Variants in MED13 observed in about 807,000 individuals in gnomAD.
The protein encoded by MED13 is mediator complex subunit 13, also known as mediator of RNA polymerase II transcription subunit 13.
Under a neutral mutation model 225.2 loss-of-function variants are expected in MED13, and 23 were observed. The ratio of observed to expected loss-of-function variants is 0.10; its 90% CI spans 0.07 to 0.14. The LOEUF (loss-of-function observed/expected upper bound fraction) is 0.14. Among genes scored for constraint, MED13 ranks in the 10% least tolerant of loss-of-function variants. The pLI is 1.00. For synonymous variants in MED13, 942 were observed against 889.2 expected (o/e 1.06, Z -1.06); for missense variants, 2,197 against 2,594.5 (o/e 0.85, Z 3.33).
intron 3 of MED13, among the ~76,000 whole-genome samples, chr17:62,046,480 T>C (rs2143734154): frequency 6.6e-6 from 1 of 152,332 alleles, no homozygotes; most frequent in East Asian, 1.9e-4. Context: ...GGAAAAACAC[T>C]AGTGCTCAAT....
chr17:61,987,232 C>T, intron 11 of MED13, 104 bp from the exon 12 acceptor site: 2 of 583,626 alleles, frequency 3.4e-6, no homozygotes, highest in South Asian at 2.9e-5. Flanking sequence ...GTCAGGAGTT[C>T]AGGACCAGCC....
chr17:61,994,347 T>C (rs2080329471), intron 10 of MED13, among the ~76,000 whole-genome samples: 1 of 152,192 alleles, frequency 6.6e-6, no homozygotes, highest in Non-Finnish European at 1.5e-5. Flanking sequence ...CAAAGTTATC[T>C]TAATCTTAAC....
chr17:61,999,141 T>G (rs896016148), intron 9 of MED13, among the ~76,000 whole-genome samples: 41 of 152,244 alleles, frequency 2.7e-4, no homozygotes, highest in African/African-American at 9.9e-4. Context: ...GAACTATGTT[T>G]TAGAGATCAA....
intron 3 of MED13, among the ~76,000 whole-genome samples, chr17:62,044,208 A>C (rs1047470367): frequency 1.2e-4 from 18 of 152,128 alleles, no homozygotes; most frequent in African/African-American, 4.1e-4. Context: ...TGAAATTTAA[A>C]GCATATTCTT....
At chr17:61,970,895 A>T (rs989267331) in intron 17 of MED13, among the ~76,000 whole-genome samples, 1 of 151,742 alleles carries the variant, frequency 6.6e-6, no homozygotes, top group African/African-American at 2.4e-5. Flanking sequence ...TGTGGTGGTG[A>T]GCACCTGTAG....
intron 10 of MED13, among the ~76,000 whole-genome samples, chr17:61,994,556 A>G (rs1221031910): frequency 2.0e-5 from 3 of 152,180 alleles, no homozygotes. Flanking sequence ...ATCACTGTCA[A>G]AATAGCCTAC....
At chr17:62,059,662 G>A (rs1603410535) in intron 2 of MED13, among the ~76,000 whole-genome samples, 1 of 152,036 alleles carries the variant, frequency 6.6e-6, no homozygotes, top group Admixed American at 6.5e-5. Context: ...GCCACAGATG[G>A]AAGAAATGAA....
chr17:62,015,914 A>G (rs1567979538), intron 8 of MED13, among the ~76,000 whole-genome samples: 1 of 16,332 alleles, frequency 6.1e-5, no homozygotes, highest in Non-Finnish European at 1.0e-4. Flanking sequence ...CACACTATAC[A>G]CATATATATA....
rs1201497888 is a variant in MED13 at position 61,950,980 on chromosome 17, G to A, written c.6136C>T (p.Leu2046=). ...TCCTCATGAGGTTCTGTTGATAGTA[G>A]CCGATCAGTACTCTGACCCTTAAAA... ...DAGKGQSTDR[L]LSTEPHEEVP... is the part of the protein sequence containing the mutation. Residue 2046 remains leucine (L), a synonymous_variant, in exon 28 of 30, where the codon CTA becomes TTA. Coordinates refer to ENST00000397786, the MANE Select transcript of MED13 (RefSeq NM_005121.3). The A allele has an allele frequency of 6.2e-7, 1 of 1,613,316 alleles. No homozygotes were observed.
intron 3 of MED13, among the ~76,000 whole-genome samples, chr17:62,047,489 G>A (rs1411066969): frequency 6.6e-6 from 1 of 152,108 alleles, no homozygotes; most frequent in Non-Finnish European, 1.5e-5. Context: ...TCACTCAAAA[G>A]TGGGAGTTGA....
In MED13 at chr17:61,960,940, T is replaced by A. The variant is rs1483450504; in HGVS notation, c.5407A>T (p.Ile1803Phe). The change falls in exon 23 of 30, where the codon ATT becomes TTT. Residue 1803 changes from isoleucine to phenylalanine, a missense_variant. Physicochemically the swap from Ile to Phe is conservative, Grantham distance 21. Transcript: ENST00000397786. Reference sequence around the variant, plus strand: ...TATAGATCTGTGCAAGATGCAAGAATCCACCTTTGATCATGTGATAAACAG... The same window carrying A: ...TATAGATCTGTGCAAGATGCAAGAAACCACCTTTGATCATGTGATAAACAG... ...GYCLSHDQRW[I>F]LASCTDLYGE... 5 of 1,613,874 alleles carry A rather than the reference T, an allele frequency of 3.1e-6. No individual in the cohort carries two copies. The highest frequency in any genetic ancestry group is 4.2e-6 in the Non-Finnish European group (5 of 1,179,940).
intron 2 of MED13, among the ~76,000 whole-genome samples, chr17:62,057,108 T>TA (rs1182582457): frequency 2.0e-5 from 3 of 152,134 alleles, no homozygotes; most frequent in African/African-American, 2.4e-5. Context: ...TCCACGGTGG[T>TA]AAAAAATGAA....
In MED13 at chr17:62,011,851, C is replaced by T. The variant is rs2080512540; in HGVS notation, c.1284-618G>A. Among the ~76,000 whole-genome samples, 7 of 152,134 alleles carry T rather than the reference C, an allele frequency of 4.6e-5. No individual in the cohort carries two copies. In the South Asian group the frequency reaches 1.5e-3, roughly 32 times the overall value. ...AGAAAATGCCTAAAATAATTTCTTC[C>T]TCATAATTTGAAGCAATTCTAAAAC... On this transcript the variant is annotated intron_variant, in intron 8 of 29. Transcript: ENST00000397786.
In MED13 at chr17:61,965,369, G is replaced by A. The variant is rs781606306; in HGVS notation, c.4481C>T (p.Thr1494Ile). 6.2e-7 allele frequency: 1 copy of A among 1,614,152 alleles called. No homozygotes were observed. The highest frequency in any genetic ancestry group is 8.5e-7 in the Non-Finnish European group (1 of 1,180,032). Residue 1494 changes from threonine (T) to isoleucine (I), a missense_variant, in exon 20 of 30, where the codon ACA becomes ATA. Thr to Ile is a moderately conservative substitution (Grantham distance 89). Coordinates refer to ENST00000397786, the MANE Select transcript of MED13 (RefSeq NM_005121.3). ...TGGAGTATTAGCATTTCCAGTATTT[G>A]TCATCTGAGGTGGAGTAATCAAAGA... ...SQSLITPPQM[T>I]NTGNANTPSA...
rs1175572561 is a variant in MED13 at position 62,041,008 on chromosome 17, T to C, written c.471-5400A>G. On this transcript the variant is annotated intron_variant, in intron 3 of 29. Coordinates refer to ENST00000397786, the MANE Select transcript of MED13 (RefSeq NM_005121.3). Reference sequence around the variant, plus strand: ...AAAAATTGTACTTCAAATTACCATATGATCCAGCAATTCCACTTCTGGGTA... The same window carrying C: ...AAAAATTGTACTTCAAATTACCATACGATCCAGCAATTCCACTTCTGGGTA... Among the ~76,000 whole-genome samples the C allele has an allele frequency of 3.3e-5, 5 of 152,190 alleles. No homozygotes were observed. The East Asian group carries it at 7.7e-4, about 23-fold the overall frequency.
chr17:62,060,672 A>G (rs2081032053), intron 2 of MED13, among the ~76,000 whole-genome samples: 1 of 151,296 alleles, frequency 6.6e-6, no homozygotes, highest in South Asian at 2.1e-4. Flanking sequence ...CAACCTCCCA[A>G]AATTATTTTC....
chr17:62,017,586 A>C (rs1329568538), intron 8 of MED13, among the ~76,000 whole-genome samples: 1 of 152,178 alleles, frequency 6.6e-6, no homozygotes, highest in Non-Finnish European at 1.5e-5. Flanking sequence ...TATTATGTTG[A>C]AATTTACAAA....
In MED13 at chr17:61,987,145, G is replaced by C. The variant is rs765388842; in HGVS notation, c.2264-17C>G. The C allele has an allele frequency of 1.9e-6, 3 of 1,574,858 alleles. No individual in the cohort carries two copies. In the East Asian group the frequency reaches 6.9e-5, roughly 36 times the overall value. ...GTGGAGCATCTACAAAAGTCAATCA[G>C]AAAAATAAAATTAAAACTGCTACTA... On this transcript the variant is annotated splice_polypyrimidine_tract_variant and intron_variant, in intron 11 of 29. Coordinates refer to ENST00000397786, the MANE Select transcript of MED13 (RefSeq NM_005121.3).
At chr17:62,044,649 A>G (rs2080883245) in intron 3 of MED13, among the ~76,000 whole-genome samples, 1 of 152,258 alleles carries the variant, frequency 6.6e-6, no homozygotes. Context: ...ACACACATAT[A>G]TAACATGTAA....
Sources: allele counts gnomAD v4.1 joint callset (sites outside exome capture counted in the v4.1 genomes callset), GRCh38; gene constraint gnomAD v4.1.1; transcripts MANE v1.5; gene names NCBI Gene and HGNC (gene_info 2026-07-23, HGNC 2026-07-21).